Variants in VPS26C observed in about 807,000 individuals in gnomAD.
VPS26C encodes vacuolar protein sorting-associated protein 26C.
VPS26C carries 19 observed loss-of-function variants against 30.6 expected under a neutral mutation model. That is an observed-to-expected ratio of 0.62 (90% CI 0.43 to 0.91). The LOEUF (loss-of-function observed/expected upper bound fraction) is 0.91, where lower values mean the gene tolerates loss of function less well. VPS26C is among the 40% of genes least tolerant of loss of function. The pLI is 0.00. For missense variants in VPS26C, 318 were observed against 385.1 expected (o/e 0.83, Z 1.46); for synonymous variants, 132 against 151.5 (o/e 0.87, Z 0.95).
At position 37,240,537 on chromosome 21, in the gene VPS26C, T is replaced by C; in HGVS notation, c.160A>G (p.Lys54Glu). ...AAAGCTTCAAACACACCCACACTTT[T>C]GGCACTGAGCTGGAGGTTTACAGTT... ...EGTVNLQLSA[K>E]SVGVFEAFYN... The change falls in exon 2 of 8, where the codon AAA becomes GAA. Residue 54 changes from lysine (K) to glutamate (E), a missense_variant. Coordinates refer to ENST00000309117, the MANE Select transcript of VPS26C (RefSeq NM_006052.2). 1 of 1,614,216 alleles carries C rather than the reference T, an allele frequency of 6.2e-7. No individual in the cohort carries two copies. Among genetic ancestry groups the C allele is most frequent in the Non-Finnish European group, 8.5e-7 (1 of 1,180,036 alleles).
chr21:37,255,847 CT>C (rs1217507455), intron 1 of VPS26C, among the ~76,000 whole-genome samples: 1 of 79,650 alleles, frequency 1.3e-5, no homozygotes, highest in African/African-American at 6.9e-5. Flanking sequence ...ATTCTATGCA[CT>C]GCATTTTTTT....
chr21:37,241,312 C>G (rs1272019381), intron 1 of VPS26C, among the ~76,000 whole-genome samples: 1 of 152,122 alleles, frequency 6.6e-6, no homozygotes, highest in Non-Finnish European at 1.5e-5. Context: ...CGAGAGACTT[C>G]ACAACAGATC....
intron 1 of VPS26C, among the ~76,000 whole-genome samples, chr21:37,265,053 C>T (rs976711889): frequency 1.3e-5 from 2 of 152,100 alleles, no homozygotes; most frequent in African/African-American, 4.8e-5. Context: ...ACATAGTGTA[C>T]GATTCCATTT....
chr21:37,260,236 G>C (rs2086290237), intron 1 of VPS26C, among the ~76,000 whole-genome samples: 1 of 152,236 alleles, frequency 6.6e-6, no homozygotes, highest in African/African-American at 2.4e-5. Flanking sequence ...CTGTGAGCTG[G>C]AAAAGGCTAT....
At chr21:37,234,992 C>T (rs58996853) in intron 3 of VPS26C, among the ~76,000 whole-genome samples, 3,128 of 148,782 alleles carry the variant, frequency 0.021, 113 homozygotes, top group African/African-American at 0.074. Flanking sequence ...ACAGGGGCCG[C>T]GCCACCATGG....
intron 1 of VPS26C, among the ~76,000 whole-genome samples, chr21:37,253,137 AAGTT>A (rs915628099): frequency 1.5e-4 from 23 of 152,364 alleles, no homozygotes; most frequent in African/African-American, 4.6e-4. Flanking sequence ...AAATCTACAA[AAGTT>A]AGTTCACTAG....
chr21:37,225,735 T>A (rs2085892691), intron 7 of VPS26C, 109 bp from the exon 8 acceptor site: 2 of 908,242 alleles, frequency 2.2e-6, no homozygotes, highest in Non-Finnish European at 3.6e-6. Context: ...GAGCACCCGG[T>A]GCGGGTGGGT....
chr21:37,234,707 C>T (rs956111710), intron 3 of VPS26C, among the ~76,000 whole-genome samples: 3 of 152,032 alleles, frequency 2.0e-5, no homozygotes, highest in Admixed American at 6.5e-5. Flanking sequence ...AGCTAATATT[C>T]GTATGAACAA....
chr21:37,232,011 G>A (rs920220507), intron 5 of VPS26C: 2 of 232,200 alleles, frequency 8.6e-6, no homozygotes, highest in East Asian at 1.9e-4. Flanking sequence ...ATCCATGGAG[G>A]ATGACAACAG....
At chr21:37,243,004 G>A (rs900113436) in intron 1 of VPS26C, among the ~76,000 whole-genome samples, 2 of 152,130 alleles carry the variant, frequency 1.3e-5, no homozygotes, top group African/African-American at 4.8e-5. Flanking sequence ...ATGAAAGAAG[G>A]ATAGGGAATT....
At position 37,224,308 on chromosome 21, in the gene VPS26C, G is replaced by C. The variant is rs910210918; in HGVS notation, c.*1236C>G. 9.8e-5 allele frequency: 15 copies of C among 152,402 alleles called. No homozygotes were observed. The highest frequency in any genetic ancestry group is 3.6e-4 in the African/African-American group (15 of 41,564). 9.4% of individuals were successfully genotyped at this position (152,402 alleles called of 1,614,324 possible). On this transcript the variant is annotated 3_prime_UTR_variant, in exon 8 of 8. Transcript: ENST00000309117. ...GCACTTTGGGAGGCCAAGACAGGAG[G>C]ATCACTTGAGTCTAGGAGTTCAAGA...
At chr21:37,229,584 G>A (rs983987007) in intron 5 of VPS26C, 1 of 152,150 alleles carries the variant, frequency 6.6e-6, no homozygotes, top group Non-Finnish European at 1.5e-5. Flanking sequence ...TAAAATTAAC[G>A]AATATATCAA....
rs2148306567 is a variant in VPS26C, at chr21:37,257,521, C to T, written c.57+9717G>A. On this transcript the variant is annotated intron_variant, in intron 1 of 7. Coordinates refer to ENST00000309117, the MANE Select transcript of VPS26C (RefSeq NM_006052.2). This position sits in a 1 kb window ranked among gnomAD's most constrained non-coding sequence, Gnocchi z 4.2. The stretch of plus-strand genomic sequence containing the variant: ...TAACTGGGTTGGGGTGGGGGTGTAG[C>T]CACATGCAGTAAAAGCACTGCCTGT... 6.6e-6 allele frequency among the ~76,000 whole-genome samples: 1 copy of T among 152,194 alleles called. No individual in the cohort carries two copies. The highest frequency in any genetic ancestry group is 1.9e-4 in the East Asian group (1 of 5,200).
chr21:37,247,876 T>C (rs899409526), intron 1 of VPS26C, among the ~76,000 whole-genome samples: 6 of 152,064 alleles, frequency 3.9e-5, no homozygotes, highest in Non-Finnish European at 7.4e-5. Flanking sequence ...CAACTCACAA[T>C]AAAGACTTGT....
chr21:37,252,739 G>A (rs971747082), intron 1 of VPS26C, among the ~76,000 whole-genome samples: 7 of 152,142 alleles, frequency 4.6e-5, no homozygotes, highest in South Asian at 2.1e-4. Flanking sequence ...TGGACAACTC[G>A]GCCATCAAAA....
Position 37,225,496 on chromosome 21 carries a change from TG to T in VPS26C, c.*47del. The T allele has an allele frequency of 6.5e-7, 1 of 1,530,520 alleles. No individual in the cohort carries two copies. 94.8% of individuals were successfully genotyped at this position (1,530,520 alleles called of 1,614,324 possible). A position where few individuals can be genotyped will look rare whatever the true frequency, so the allele number is the denominator to read the frequency against. On this transcript the variant is annotated 3_prime_UTR_variant, in exon 8 of 8. Transcript: ENST00000309117. ...TCCCCTTAGGATTTGGATAACCAGC[TG>T]GATTTCCAGATGGCCACTCCCGTTC... is the stretch of plus-strand genomic sequence containing the variant.
At chr21:37,255,034 G>A (rs2086228880) in intron 1 of VPS26C, among the ~76,000 whole-genome samples, 1 of 152,092 alleles carries the variant, frequency 6.6e-6, no homozygotes, top group African/African-American at 2.4e-5. Flanking sequence ...AGGAGAAGGG[G>A]CAGAAGACAT....
chr21:37,247,969 G>A (rs955834152), intron 1 of VPS26C, among the ~76,000 whole-genome samples: 9 of 152,128 alleles, frequency 5.9e-5, no homozygotes, highest in Admixed American at 3.9e-4. Flanking sequence ...CCAGGAGTTT[G>A]AGACCAGCCT....
At chr21:37,231,357 T>C (rs80005949) in intron 5 of VPS26C, 5,338 of 152,328 alleles carry the variant, frequency 0.035, 143 homozygotes, top group African/African-American at 0.06. Context: ...ACATTACTGC[T>C]GAGGTCAGCG....
Sources: gnomAD v4.1 joint callset for allele counts (sites outside exome capture counted in the v4.1 genomes callset) on GRCh38, gnomAD v4.1.1 for gene constraint, Gnocchi (gnomAD v3.1) non-coding constraint, MANE v1.5 for transcripts, NCBI Gene and HGNC (gene_info 2026-07-23, HGNC 2026-07-21) for gene names.